The following LEKR1 variants were observed in gnomAD, a reference collection of about 807,000 sequenced individuals.
LEKR1 encodes the protein leucine, glutamate and lysine rich 1, also known as protein LEKR1.
In LEKR1, 59 loss-of-function variants were observed where a neutral mutation model predicts 72.4. The observed-to-expected ratio is 0.82, with a 90% CI of 0.66 to 1.01. The LOEUF (loss-of-function observed/expected upper bound fraction) is 1.01. Ranked by LOEUF, LEKR1 falls within the 50% of genes least tolerant of loss-of-function variation. The pLI, the probability that LEKR1 is intolerant of heterozygous loss-of-function variation, is 0.00. For synonymous variants in LEKR1, 257 were observed against 263.2 expected (o/e 0.98, Z 0.23); for missense variants, 728 against 759.2 (o/e 0.96, Z 0.48).
At chr3:156,830,033 G>T (rs1274325056) in intron 2 of LEKR1, among the ~76,000 whole-genome samples, 1 of 152,116 alleles carries the variant, frequency 6.6e-6, no homozygotes, top group Non-Finnish European at 1.5e-5. Context: ...CAAAACTTAT[G>T]CACACAGACA....
rs541440715 is a variant in LEKR1 at position 156,937,695 on chromosome 3, G to T, written c.560-4834G>T. On this transcript the variant is annotated intron_variant, in intron 5 of 12. Coordinates refer to ENST00000356539, the MANE Select transcript of LEKR1 (RefSeq NM_001004316.3). ...TTATCCCAGATAAATGAAAATCTGT[G>T]TTCTCAAAAATACTTGTATGTAAGT... Among the ~76,000 whole-genome samples, 3 of 152,272 alleles carry T rather than the reference G, an allele frequency of 2.0e-5. No homozygotes were observed. In the East Asian group the frequency reaches 5.8e-4, roughly 29 times the overall value.
At chr3:156,848,577 TG>T (rs1453983929) in intron 2 of LEKR1, among the ~76,000 whole-genome samples, 1 of 152,198 alleles carries the variant, frequency 6.6e-6, no homozygotes, top group Non-Finnish European at 1.5e-5. Context: ...ATAATATTCC[TG>T]AAGACAGTAT....
At chr3:157,042,325 G>A (rs545742805) in intron 12 of LEKR1, among the ~76,000 whole-genome samples, 15 of 152,288 alleles carry the variant, frequency 9.8e-5, no homozygotes, top group South Asian at 8.3e-4. Context: ...GCAGAGCAGC[G>A]GGCCCCAGGC....
intron 5 of LEKR1, among the ~76,000 whole-genome samples, chr3:156,932,219 C>T (rs1479422639): frequency 6.6e-6 from 1 of 151,974 alleles, no homozygotes; most frequent in Non-Finnish European, 1.5e-5. Flanking sequence ...TTTAACTTCT[C>T]TATATGTTTT....
chr3:157,043,346 G>C (rs1387680122), intron 12 of LEKR1, among the ~76,000 whole-genome samples: 1 of 151,972 alleles, frequency 6.6e-6, no homozygotes, highest in East Asian at 1.9e-4. Flanking sequence ...TACTCTACTA[G>C]TAGGCAAAAA....
At chr3:156,922,137 C>A (rs545549061) in intron 4 of LEKR1, among the ~76,000 whole-genome samples, 3 of 152,056 alleles carry the variant, frequency 2.0e-5, no homozygotes, top group South Asian at 4.2e-4. Context: ...GTACAAATTA[C>A]AGTTTGTAAT....
intron 2 of LEKR1, among the ~76,000 whole-genome samples, chr3:156,833,563 C>G (rs1425054441): frequency 6.6e-6 from 1 of 152,104 alleles, no homozygotes; most frequent in African/African-American, 2.4e-5. Flanking sequence ...ATAACACTTT[C>G]ATATAAATAC....
chr3:156,895,387 G>T (rs898143055), intron 3 of LEKR1, among the ~76,000 whole-genome samples: 13 of 152,266 alleles, frequency 8.5e-5, no homozygotes, highest in African/African-American at 2.6e-4. Context: ...GCCAAGGTGG[G>T]TGGATCAACT....
intron 7 of LEKR1, among the ~76,000 whole-genome samples, chr3:156,986,561 G>A (rs1467026521): frequency 1.3e-5 from 2 of 152,130 alleles, no homozygotes; most frequent in East Asian, 1.9e-4. Context: ...AATAAAGACG[G>A]GCTTGATCCT....
intron 3 of LEKR1, among the ~76,000 whole-genome samples, chr3:156,879,298 G>A (rs578218097): frequency 6.0e-4 from 92 of 152,244 alleles, no homozygotes; most frequent in African/African-American, 2.1e-3. Flanking sequence ...CTGGAGTAAA[G>A]GTTATTCTTG....
chr3:156,828,191 G>A (rs1313223770), intron 1 of LEKR1, among the ~76,000 whole-genome samples: 1 of 152,226 alleles, frequency 6.6e-6, no homozygotes, highest in African/African-American at 2.4e-5. Context: ...GAGTCTTTGT[G>A]CTAACACAGG....
chr3:157,010,263 G>A (rs1205051876), intron 9 of LEKR1, among the ~76,000 whole-genome samples: 2 of 151,636 alleles, frequency 1.3e-5, no homozygotes, highest in Non-Finnish European at 2.9e-5. Context: ...CTTGGTATTA[G>A]GAAATGAGGA....
intron 9 of LEKR1, among the ~76,000 whole-genome samples, chr3:156,997,769 A>G (rs536822806): frequency 3.9e-5 from 6 of 152,356 alleles, no homozygotes; most frequent in South Asian, 4.1e-4. Flanking sequence ...AAAAAGCCAG[A>G]GGTGACCCTA....
Position 157,022,662 on chromosome 3 carries a change from A to T in LEKR1, c.1204-2098A>T, listed in dbSNP as rs144048826. The stretch of plus-strand genomic sequence containing the variant: ...TGTTACAAGATTTCTGGGCCATACA[A>T]TTCATTGGAGGCACCTGTGAATTAT... On this transcript the variant is annotated intron_variant, in intron 10 of 12. Transcript: ENST00000356539. 4.0e-3 allele frequency among the ~76,000 whole-genome samples: 602 copies of T among 152,250 alleles called. 2 individuals are homozygous for T. Among genetic ancestry groups the T allele is most frequent in the African/African-American group, 0.013 (540 of 41,546 alleles).
At chr3:156,955,165 G>C (rs995610911) in intron 6 of LEKR1, among the ~76,000 whole-genome samples, 1 of 151,896 alleles carries the variant, frequency 6.6e-6, no homozygotes, top group Non-Finnish European at 1.5e-5. Context: ...TGGCTCACCT[G>C]TTGTTGATGT....
At chr3:156,891,709 G>A (rs1360817889) in intron 3 of LEKR1, among the ~76,000 whole-genome samples, 2 of 152,124 alleles carry the variant, frequency 1.3e-5, no homozygotes, top group East Asian at 3.8e-4. Context: ...GAGGAAAACA[G>A]CTGAAGCCTT....
intron 11 of LEKR1, among the ~76,000 whole-genome samples, chr3:157,026,114 C>T (rs1453856001): frequency 2.6e-5 from 4 of 152,146 alleles, no homozygotes; most frequent in Admixed American, 1.3e-4. Flanking sequence ...TGAAATCCTA[C>T]TGTGGCAATG....
At chr3:157,044,864 C>T (rs1427817406) in intron 12 of LEKR1, among the ~76,000 whole-genome samples, 3 of 152,152 alleles carry the variant, frequency 2.0e-5, no homozygotes, top group Admixed American at 6.5e-5. Flanking sequence ...CAATCTTATA[C>T]TTCAAGCACT....
chr3:156,941,686 A>AATTCATTTATCATCATTCATTTATCAATT (rs1726223955), intron 5 of LEKR1, among the ~76,000 whole-genome samples: 1 of 152,144 alleles, frequency 6.6e-6, no homozygotes, highest in South Asian at 2.1e-4. Flanking sequence ...CATCTAAATC[A>AATTCATTTATCATCATTCATTTATCAATT]CATGCTCATC....
Sources: allele counts gnomAD v4.1 joint callset (sites outside exome capture counted in the v4.1 genomes callset), GRCh38; gene constraint gnomAD v4.1.1; transcripts MANE v1.5; gene names NCBI Gene and HGNC (gene_info 2026-07-23, HGNC 2026-07-21).